UTRN: variants seen among roughly 807,000 people sequenced by gnomAD.
UTRN encodes utrophin, also known as dystrophin-related protein 1.
UTRN carries 283 observed loss-of-function variants against 463.9 expected under a neutral mutation model. That is an observed-to-expected ratio of 0.61 (90% CI 0.55 to 0.67). UTRN has a LOEUF of 0.67. Ranked by LOEUF, UTRN falls within the 30% of genes least tolerant of loss-of-function variation. The probability of loss-of-function intolerance (pLI) is 0.00; values close to 1 mark genes in which losing one functional copy is unlikely to be tolerated. For missense variants in UTRN, 3,922 were observed against 4,084.3 expected, an observed-to-expected ratio of 0.96 and a Z score of 1.08; for synonymous variants, 1,442 against 1,431.5, an observed-to-expected ratio of 1.01 and a Z score of -0.17.
intron 2 of UTRN, among the ~76,000 whole-genome samples, chr6:144,314,404 C>A (rs570124339): frequency 6.6e-6 from 1 of 152,156 alleles, no homozygotes; most frequent in Admixed American, 6.5e-5. Flanking sequence ...CTCTTCAGGG[C>A]GGAGCTGTTG....
chr6:144,345,416 T>C (rs555614947), intron 2 of UTRN, among the ~76,000 whole-genome samples: 1 of 152,282 alleles, frequency 6.6e-6, no homozygotes, highest in South Asian at 2.1e-4. Flanking sequence ...GGCTCATACC[T>C]GTAATCCAAG....
chr6:144,344,432 A>G (rs1777401658), intron 2 of UTRN: 2 of 1,097,204 alleles, frequency 1.8e-6, no homozygotes, highest in Admixed American at 2.8e-5. Context: ...ACGGGAACAG[A>G]CAGCCTGTCT....
At chr6:144,576,912 T>C (rs1433707216) in intron 50 of UTRN, among the ~76,000 whole-genome samples, 187 bp from the exon 51 acceptor site, 1 of 152,212 alleles carries the variant, frequency 6.6e-6, no homozygotes, top group East Asian at 1.9e-4. Flanking sequence ...CTTCTCAGAA[T>C]TCACATGATC....
chr6:144,319,807 C>T (rs1235842934), intron 2 of UTRN, among the ~76,000 whole-genome samples: 1 of 151,608 alleles, frequency 6.6e-6, no homozygotes, highest in Non-Finnish European at 1.5e-5. Flanking sequence ...CTCACCCTCC[C>T]AAAGTGCTGG....
At chr6:144,604,748 T>G (rs984262378) in intron 51 of UTRN, among the ~76,000 whole-genome samples, 1 of 151,910 alleles carries the variant, frequency 6.6e-6, no homozygotes, top group Non-Finnish European at 1.5e-5. Context: ...ACCCGATCTC[T>G]ACTAAAAAAT....
intron 63 of UTRN, 103 bp downstream of exon 63, chr6:144,794,094 A>C (rs1269363614): frequency 6.8e-7 from 1 of 1,476,804 alleles, no homozygotes; most frequent in Non-Finnish European, 9.1e-7. Context: ...AAATACTGGA[A>C]GACTTTGGGT....
intron 3 of UTRN, among the ~76,000 whole-genome samples, chr6:144,403,824 T>C (rs1783140117): frequency 6.6e-6 from 1 of 152,202 alleles, no homozygotes. Context: ...TATCTATTAG[T>C]TATTGGTGTT....
In UTRN at chr6:144,550,841, T is replaced by C. The variant is rs1042027504; in HGVS notation, c.6811-124T>C. 1.2e-4 allele frequency: 79 copies of C among 674,632 alleles called. No individual in the cohort carries two copies. In the Middle Eastern group the frequency reaches 1.4e-3, roughly 12 times the overall value. The allele number at this position is 674,632 out of a possible 1,614,324, so 41.8% of individuals were successfully genotyped here. ...ATGCACTCATTTTCTGCCACGTTGC[T>C]GATGCTTCACTATGCCATAGAGGAG... On this transcript the variant is annotated intron_variant, in intron 47 of 74. Transcript: ENST00000367545.
Position 144,754,758 on chromosome 6 carries a change from C to T in UTRN, c.8394C>T (p.Ala2798=), listed in dbSNP as rs775121388. 28 of 1,613,290 alleles carry T rather than the reference C, an allele frequency of 1.7e-5. No homozygotes were observed. Among genetic ancestry groups the T allele is most frequent in the Non-Finnish European group, 1.8e-5 (21 of 1,179,700 alleles). ...VDDRLKQLQE[A]HRDFGPSSQH... is the part of the protein sequence containing the mutation. ...ATCGCCTTAAACAGCTTCAGGAAGC[C>T]CACAGAGATTTTGGACCATCCTCTC... is the stretch of plus-strand genomic sequence containing the variant. Residue 2798 remains alanine, a synonymous_variant, in exon 57 of 75, where the codon GCC becomes GCT. Transcript: ENST00000367545.
At chr6:144,558,367 G>A (rs1249281731) in intron 50 of UTRN, among the ~76,000 whole-genome samples, 1 of 152,168 alleles carries the variant, frequency 6.6e-6, no homozygotes, top group Non-Finnish European at 1.5e-5. Context: ...GGTTAAAGCA[G>A]AGTGGCTATA....
intron 51 of UTRN, among the ~76,000 whole-genome samples, chr6:144,632,441 A>G (rs1443999435): frequency 1.3e-5 from 2 of 152,152 alleles, no homozygotes; most frequent in Non-Finnish European, 2.9e-5. Context: ...ATTGAGGTGC[A>G]GTTTTTTTTC....
intron 51 of UTRN, among the ~76,000 whole-genome samples, chr6:144,644,042 A>G (rs1346466861): frequency 6.6e-6 from 1 of 152,138 alleles, no homozygotes; most frequent in African/African-American, 2.4e-5. Flanking sequence ...ACTAATTTAT[A>G]TTTACTTTTG....
chr6:144,760,011 A>G (rs1205070465), intron 58 of UTRN, among the ~76,000 whole-genome samples: 2 of 152,022 alleles, frequency 1.3e-5, no homozygotes, highest in African/African-American at 2.4e-5. Flanking sequence ...TTTACTAAAT[A>G]AAAAAAATTA....
At chr6:144,701,662 C>A (rs533193172) in intron 53 of UTRN, among the ~76,000 whole-genome samples, 1 of 152,108 alleles carries the variant, frequency 6.6e-6, no homozygotes, top group Non-Finnish European at 1.5e-5. Flanking sequence ...CATTCTAAAT[C>A]TGGTCATTTT....
intron 2 of UTRN, among the ~76,000 whole-genome samples, chr6:144,294,371 G>T (rs1366024617): frequency 6.6e-6 from 1 of 152,110 alleles, no homozygotes; most frequent in African/African-American, 2.4e-5. Flanking sequence ...TAAGGCAAAT[G>T]CTTACTATAC....
intron 66 of UTRN, among the ~76,000 whole-genome samples, chr6:144,826,761 A>C (rs2128755885): frequency 6.6e-6 from 1 of 152,170 alleles, no homozygotes; most frequent in Non-Finnish European, 1.5e-5. Flanking sequence ...ATGATGTGAC[A>C]TTTTTGGTGG....
At chr6:144,798,025 T>A (rs1483361645) in intron 64 of UTRN, 35 bp downstream of exon 64, 2 of 1,613,282 alleles carry the variant, frequency 1.2e-6, no homozygotes, top group South Asian at 2.2e-5. Flanking sequence ...GGCTATTTTC[T>A]GTTTCCTTTG....
chr6:144,682,707 C>T (rs113129840), intron 52 of UTRN, among the ~76,000 whole-genome samples: 12 of 151,984 alleles, frequency 7.9e-5, no homozygotes, highest in East Asian at 1.9e-4. Flanking sequence ...TAGCTAAAGG[C>T]GTAAATGATC....
chr6:144,490,241 G>A, intron 31 of UTRN, 42 bp downstream of exon 31: 1 of 1,567,286 alleles, frequency 6.4e-7, no homozygotes. Flanking sequence ...TCAACTTGTT[G>A]GGAATTTTCT....
Sources: allele counts gnomAD v4.1 joint callset (sites outside exome capture counted in the v4.1 genomes callset), GRCh38; gene constraint gnomAD v4.1.1; transcripts MANE v1.5; gene names NCBI Gene and HGNC (gene_info 2026-07-23, HGNC 2026-07-21).